The following ZP2 variants were observed in gnomAD, a reference collection of about 807,000 sequenced individuals.
ZP2 encodes zona pellucida glycoprotein 2, also known as zona pellucida sperm-binding protein 2.
ZP2 carries 51 observed loss-of-function variants against 84.0 expected under a neutral mutation model. That is an observed-to-expected ratio of 0.61 (90% CI 0.49 to 0.77). The LOEUF (loss-of-function observed/expected upper bound fraction) is 0.77. Among genes scored for constraint, ZP2 ranks in the 30% least tolerant of loss-of-function variants. ZP2 has a pLI of 0.00. For missense variants in ZP2, 909 were observed against 911.9 expected (o/e 1.00, Z 0.04); for synonymous variants, 375 against 330.9 (o/e 1.13, Z -1.45).
In ZP2 at chr16:21,210,165, AT is replaced by A. The variant is rs768093084; in HGVS notation, c.178del (p.Ile60Ter). On this transcript the variant is annotated frameshift_variant, in exon 3 of 19. Coordinates refer to ENST00000574091, the MANE Select transcript of ZP2 (RefSeq NM_001376232.1). LOFTEE classifies it high-confidence loss of function. ...PGTVTCDERE[I>X]TVEFPSSPGT... ...AGGACTGCTTGGGAACTCCACTGTT[AT>A]TTCCCTTTCATCGCAAGTGACAGTG... 5.0e-6 allele frequency: 8 copies of A among 1,613,848 alleles called. No homozygotes were observed. Among genetic ancestry groups the A allele is most frequent in the Non-Finnish European group, 1.7e-6 (2 of 1,179,976 alleles).
upstream of ZP2, among the ~76,000 whole-genome samples, chr16:21,213,949 G>A (rs983101762): frequency 2.0e-5 from 3 of 151,888 alleles, no homozygotes; most frequent in African/African-American, 7.3e-5. Context: ...CTATTGAGAA[G>A]GTGGTCAGAG....
At position 21,203,265 on chromosome 16, in the gene ZP2, A is replaced by G; in HGVS notation, c.973-14T>C. On this transcript the variant is annotated splice_polypyrimidine_tract_variant and intron_variant, in intron 9 of 18. Coordinates refer to ENST00000574091, the MANE Select transcript of ZP2 (RefSeq NM_001376232.1). The stretch of plus-strand genomic sequence containing the variant: ...TTTTTCAGATAACTGAAATGAGAAA[A>G]TGTCAATTAGCAGCCACAGTCCGTT... 6.2e-7 allele frequency: 1 copy of G among 1,612,678 alleles called. No homozygotes were observed. Among genetic ancestry groups the G allele is most frequent in the Non-Finnish European group, 8.5e-7 (1 of 1,179,336 alleles).
At position 21,204,042 on chromosome 16, in the gene ZP2, C is replaced by G. The variant is rs1398393391; in HGVS notation, c.960G>C (p.Leu320=). ...CAATTGAACATACTTTCGTTTTGAG[C>G]AGAGTTTTGCTGAAATGCAATTTCA... is the stretch of plus-strand genomic sequence containing the variant. ...NGMKLHFSKT[L]LKTKLSEKCL... Residue 320 remains leucine, a synonymous_variant, in exon 9 of 19, where the codon CTG becomes CTC. Coordinates refer to ENST00000574091, the MANE Select transcript of ZP2 (RefSeq NM_001376232.1). The G allele has an allele frequency of 4.3e-6, 7 of 1,613,388 alleles. No homozygotes were observed. The highest frequency in any genetic ancestry group is 5.1e-6 in the Non-Finnish European group (6 of 1,180,004).
chr16:21,209,520 G>T, intron 4 of ZP2, 111 bp downstream of exon 4: 1 of 879,006 alleles, frequency 1.1e-6, no homozygotes, highest in Non-Finnish European at 1.8e-6. Flanking sequence ...CCACCCCCTT[G>T]GTTGAGAGCC....
chr16:21,208,314 G>A (rs2093259604), intron 4 of ZP2, among the ~76,000 whole-genome samples: 1 of 152,172 alleles, frequency 6.6e-6, no homozygotes, highest in Admixed American at 6.5e-5. Context: ...TGTTGAGAAG[G>A]TCTGTTTTAG....
At position 21,199,643 on chromosome 16, in the gene ZP2, TA is replaced by T; in HGVS notation, c.1853del (p.Leu618Ter). 6.2e-7 allele frequency: 1 copy of T among 1,613,684 alleles called. No individual in the cohort carries two copies. The highest frequency in any genetic ancestry group is 1.3e-5 in the African/African-American group (1 of 74,996). On this transcript the variant is annotated frameshift_variant, in exon 16 of 19. Transcript: ENST00000574091. LOFTEE classifies it high-confidence loss of function. ...AGTCAGGGGAGAGTCGATTACAGAT[TA>T]AGGCACTGCAGTGGAAGTAGACCTG... ...SSLVYFHCSA[L>X]ICNRLSPDSP... is the part of the protein sequence containing the mutation.
rs779912935 is a variant in ZP2, at chr16:21,204,363, T to C, written c.735A>G (p.Thr245=). Residue 245 remains threonine, a synonymous_variant, in exon 8 of 19, where the codon ACA becomes ACG. Coordinates refer to ENST00000574091, the MANE Select transcript of ZP2 (RefSeq NM_001376232.1). ...SHLYMVSLKL[T]FISPGQKVIF... is the part of the protein sequence containing the mutation. ...TCACCTTCTGTCCAGGAGATATAAA[T>C]GTAAGCTTCAGAGACACCATGTAGA... is the stretch of plus-strand genomic sequence containing the variant. The C allele has an allele frequency of 5.0e-6, 8 of 1,614,116 alleles. No homozygotes were observed. The highest frequency in any genetic ancestry group is 6.8e-6 in the Non-Finnish European group (8 of 1,179,984).
At chr16:21,209,199 T>C (rs2093263280) in intron 4 of ZP2, among the ~76,000 whole-genome samples, 1 of 152,120 alleles carries the variant, frequency 6.6e-6, no homozygotes, top group South Asian at 2.1e-4. Flanking sequence ...ACAGTTTTGC[T>C]CTTGTTGCCC....
Position 21,211,349 on chromosome 16 carries a change from T to C in ZP2, c.109A>G (p.Asn37Asp). The change falls in exon 2 of 19, where the codon AAC becomes GAC. Residue 37 changes from asparagine to aspartate, a missense_variant. Asn to Asp is a conservative substitution (Grantham distance 23). Transcript: ENST00000574091. The stretch of plus-strand genomic sequence containing the variant: ...ACCAACTGAGAAACATCTATGGAGT[T>C]CCCTGAAGTCACAAGGGCGAAGAAG... ...SLFFALVTSG[N>D]SIDVSQLVNP... is the part of the protein sequence containing the mutation. 6.2e-7 allele frequency: 1 copy of C among 1,614,100 alleles called. No individual in the cohort carries two copies. Among genetic ancestry groups the C allele is most frequent in the Non-Finnish European group, 8.5e-7 (1 of 1,180,026 alleles).
chr16:21,208,443 CTG>C (rs1229308541), intron 4 of ZP2, among the ~76,000 whole-genome samples: 11 of 152,336 alleles, frequency 7.2e-5, no homozygotes, highest in Admixed American at 6.5e-5. Flanking sequence ...GGGTCTAAGA[CTG>C]TATCTGTACA....
intron 17 of ZP2, among the ~76,000 whole-genome samples, chr16:21,198,185 A>G (rs2093208422): frequency 1.3e-5 from 2 of 149,964 alleles, no homozygotes; most frequent in Non-Finnish European, 2.9e-5. Context: ...ACTTGAGGTC[A>G]GGAGTTTGAG....
upstream of ZP2, among the ~76,000 whole-genome samples, chr16:21,212,497 A>T (rs190417522): frequency 1.3e-5 from 2 of 152,356 alleles, no homozygotes; most frequent in East Asian, 3.9e-4. Flanking sequence ...AGGAAAGTTT[A>T]AATACTGTTT....
Position 21,197,546 on chromosome 16 carries a change from T to A in ZP2, c.2172A>T (p.Ala724=). 6.2e-7 allele frequency: 1 copy of A among 1,614,172 alleles called. No individual in the cohort carries two copies. The highest frequency in any genetic ancestry group is 1.1e-5 in the South Asian group (1 of 91,086). ...TGAAGCCTAGAGTTGCCACCACACC[T>A]GCAAAGGCAGCCACAGCAGCCACAG... The part of the protein sequence containing the change: ...SKAVAAVAAF[A]GVVATLGFIY... The change falls in exon 19 of 19, where the codon GCA becomes GCT. Residue 724 remains alanine (A), a synonymous_variant. Transcript: ENST00000574091.
chr16:21,201,821 C>A lies in ZP2; in HGVS notation c.1389G>T (p.Val463=), dbSNP rs2093226902. The A allele has an allele frequency of 1.9e-6, 3 of 1,613,982 alleles. No individual in the cohort carries two copies. The Admixed American group carries it at 5.0e-5, about 27-fold the overall frequency. Residue 463 remains valine, a synonymous_variant, in exon 13 of 19, where the codon GTG becomes GTT. Transcript: ENST00000574091. The part of the protein sequence containing the change: ...ISRDSEFRMT[V]KCSYSRNDML... ...TGTCATTCCTGCTATAAGAACACTTCACTGTCATTCTGTAAGAGTTTGGAG... is the reference window on the plus strand; with the variant it reads ...TGTCATTCCTGCTATAAGAACACTTAACTGTCATTCTGTAAGAGTTTGGAG...
At chr16:21,206,775 GA>G in intron 5 of ZP2, 62 bp downstream of exon 5, 1 of 1,600,546 alleles carries the variant, frequency 6.2e-7, no homozygotes. Context: ...GCCCTGGTTA[GA>G]TCATCATCAT....
intron 10 of ZP2, among the ~76,000 whole-genome samples, chr16:21,202,632 T>C (rs1277383050): frequency 6.6e-6 from 1 of 152,184 alleles, no homozygotes; most frequent in Admixed American, 6.5e-5. Flanking sequence ...GCCTATGTTA[T>C]TGTATCCTTT....
chr16:21,207,130 C>T, intron 4 of ZP2, 140 bp from the exon 5 acceptor site: 1 of 953,122 alleles, frequency 1.0e-6, no homozygotes, highest in Non-Finnish European at 1.6e-6. Flanking sequence ...ATTCCCGTAC[C>T]AGGAGACTAG....
At chr16:21,202,767 A>G (rs1250304057) in intron 10 of ZP2, among the ~76,000 whole-genome samples, 3 of 52,648 alleles carry the variant, frequency 5.7e-5, no homozygotes, top group African/African-American at 1.0e-4. Flanking sequence ...ATGCTAAACA[A>G]GAGATATTCA....
At chr16:21,211,183 C>G in intron 2 of ZP2, 124 bp downstream of exon 2, 1 of 815,254 alleles carries the variant, frequency 1.2e-6, no homozygotes, top group Non-Finnish European at 2.0e-6. Context: ...AGTAACCTGA[C>G]CAAGGTAATA....
Sources: allele counts gnomAD v4.1 joint callset (sites outside exome capture counted in the v4.1 genomes callset), GRCh38; gene constraint gnomAD v4.1.1; transcripts MANE v1.5; gene names NCBI Gene and HGNC (gene_info 2026-07-23, HGNC 2026-07-21).